PPFIA3: variants seen among roughly 807,000 people sequenced by gnomAD.
PPFIA3 encodes the protein liprin-alpha-3.
A neutral mutation model predicts 145.8 loss-of-function variants in PPFIA3; 26 were observed. The observed-to-expected ratio is 0.18, with a 90% CI of 0.13 to 0.25. The LOEUF (loss-of-function observed/expected upper bound fraction) is 0.25. Among genes scored for constraint, PPFIA3 ranks in the 10% least tolerant of loss-of-function variants. PPFIA3 has a pLI of 1.00. For synonymous variants in PPFIA3, 645 were observed against 661.4 expected, an observed-to-expected ratio of 0.98 and a Z score of 0.38; for missense variants, 1,008 against 1,587.8, an observed-to-expected ratio of 0.63 and a Z score of 6.21.
Position 49,149,254 on chromosome 19 carries a change from C to T in PPFIA3, c.3286-3C>T. ...AACCGCCCCCTCCACCTCCTCTTTCCAGGCCCGGCAGCTTCTGGAGAAGGA... is the reference window on the plus strand; with the variant it reads ...AACCGCCCCCTCCACCTCCTCTTTCTAGGCCCGGCAGCTTCTGGAGAAGGA... On this transcript the variant is annotated splice_polypyrimidine_tract_variant and splice_region_variant and intron_variant, in intron 26 of 29. Coordinates refer to ENST00000334186, the MANE Select transcript of PPFIA3 (RefSeq NM_003660.4). This position sits in a 1 kb window ranked among gnomAD's most constrained non-coding sequence, Gnocchi z 5.7. 1.9e-6 allele frequency: 3 copies of T among 1,614,236 alleles called. No individual in the cohort carries two copies. Among genetic ancestry groups the T allele is most frequent in the Non-Finnish European group, 2.5e-6 (3 of 1,180,040 alleles).
At chr19:49,134,003 T>C (rs781763396) in intron 10 of PPFIA3, 31 bp from the exon 11 acceptor site, 79 of 1,606,186 alleles carry the variant, frequency 4.9e-5, no homozygotes, top group Non-Finnish European at 6.3e-5. Context: ...CAGGGTGGGC[T>C]TAACAACCCG....
chr19:49,149,948 G>A lies in PPFIA3; in HGVS notation c.3527-132G>A, dbSNP rs2041326165. 2 of 1,206,916 alleles carry A rather than the reference G, an allele frequency of 1.7e-6. No individual in the cohort carries two copies. The highest frequency in any genetic ancestry group is 2.6e-5 in the East Asian group (1 of 39,178). 74.8% of individuals were successfully genotyped at this position (1,206,916 alleles called of 1,614,324 possible). A position where few individuals can be genotyped will look rare whatever the true frequency, so the allele number is the denominator to read the frequency against. ...TGCGAGTTTGAGTCCTTGGCTGCGG[G>A]GAAGGGAGGGAAACCCATGTGGAGC... On this transcript the variant is annotated intron_variant, in intron 28 of 29. Coordinates refer to ENST00000334186, the MANE Select transcript of PPFIA3 (RefSeq NM_003660.4). The surrounding 1 kb of genome is among the most constrained non-coding windows in gnomAD (Gnocchi z 5.7).
intron 4 of PPFIA3, 44 bp from the exon 5 acceptor site, chr19:49,129,336 T>C (rs1443483791): frequency 3.2e-6 from 5 of 1,543,386 alleles, no homozygotes; most frequent in Non-Finnish European, 4.4e-6. Context: ...TGTCCTAAAC[T>C]GGATCTTGTC....
rs1446679091 is a variant in PPFIA3, at chr19:49,130,302, A to C, written c.658-76A>C. On this transcript the variant is annotated intron_variant, in intron 6 of 29. Coordinates refer to ENST00000334186, the MANE Select transcript of PPFIA3 (RefSeq NM_003660.4). The surrounding 1 kb of genome is among the most constrained non-coding windows in gnomAD (Gnocchi z 4.5). ...TTGATCTTTGATCTACTTTCAGCTG[A>C]TTGACTTTCTCCTTGGATTTCCTCT... The C allele has an allele frequency of 2.9e-6, 4 of 1,380,604 alleles. No homozygotes were observed. The African/African-American group carries it at 5.8e-5, about 20-fold the overall frequency. 85.5% of individuals were successfully genotyped at this position (1,380,604 alleles called of 1,614,324 possible).
rs746425365 is a variant in PPFIA3, at chr19:49,130,518, G to A, written c.798G>A (p.Leu266=). 2.9e-5 allele frequency: 46 copies of A among 1,592,646 alleles called. No homozygotes were observed. In the East Asian group the frequency reaches 9.8e-4, roughly 34 times the overall value. The part of the protein sequence containing the change: ...LAVLCRQMSQ[L]EEELGTAHRE... ...TGCTGTGCCGTCAGATGAGCCAGCT[G>A]GAGGAGGAGTTGGGCACCGCGCACC... The change falls in exon 7 of 30, where the codon CTG becomes CTA. Residue 266 remains leucine (L), a synonymous_variant. Transcript: ENST00000334186. This position sits in a 1 kb window ranked among gnomAD's most constrained non-coding sequence, Gnocchi z 4.5.
At position 49,130,944 on chromosome 19, in the gene PPFIA3, C is replaced by T. The variant is rs376995130; in HGVS notation, c.879+345C>T. Among the ~76,000 whole-genome samples, 2 of 151,870 alleles carry T rather than the reference C, an allele frequency of 1.3e-5. No individual in the cohort carries two copies. The highest frequency in any genetic ancestry group is 4.2e-4 in the South Asian group (2 of 4,808). On this transcript the variant is annotated intron_variant, in intron 7 of 29. Coordinates refer to ENST00000334186, the MANE Select transcript of PPFIA3 (RefSeq NM_003660.4). This position sits in a 1 kb window ranked among gnomAD's most constrained non-coding sequence, Gnocchi z 4.5. Reference sequence around the variant, plus strand: ...TGGCGTGATCTTGGCTTACTGCCACCTCTGCCTCCCGGGTTCAAGAGATTC... The same window carrying T: ...TGGCGTGATCTTGGCTTACTGCCACTTCTGCCTCCCGGGTTCAAGAGATTC...
chr19:49,132,705 G>C (rs1347229282), intron 7 of PPFIA3, among the ~76,000 whole-genome samples: 1 of 152,158 alleles, frequency 6.6e-6, no homozygotes, highest in Non-Finnish European at 1.5e-5. Context: ...CAAGGCCTGG[G>C]TTTTGAGGAG....
intron 1 of PPFIA3, among the ~76,000 whole-genome samples, chr19:49,126,257 T>G (rs889104358): frequency 2.1e-5 from 3 of 144,442 alleles, no homozygotes; most frequent in South Asian, 2.2e-4. Flanking sequence ...CGTTACTGTG[T>G]TTTTTTTTTG....
Position 49,134,021 on chromosome 19 carries a change from C to A in PPFIA3, c.1246-13C>A, listed in dbSNP as rs549554799. The A allele has an allele frequency of 6.2e-7, 1 of 1,610,182 alleles. No individual in the cohort carries two copies. Among genetic ancestry groups the A allele is most frequent in the East Asian group, 2.2e-5 (1 of 44,860 alleles). On this transcript the variant is annotated splice_polypyrimidine_tract_variant and intron_variant, in intron 10 of 29. Transcript: ENST00000334186. ...GGTGGGCTTAACAACCCGCCCCGCT[C>A]TGCTTTGCGCAGGCCCGGCAGCGGG...
At chr19:49,146,038 G>A (rs1418779567) in intron 22 of PPFIA3, 33 bp downstream of exon 22, 2 of 1,610,800 alleles carry the variant, frequency 1.2e-6, no homozygotes, top group African/African-American at 1.3e-5. Context: ...CTTGGGGGTG[G>A]CACTAACCTT....
intron 18 of PPFIA3, among the ~76,000 whole-genome samples, chr19:49,140,798 G>T (rs989962303): frequency 1.3e-5 from 2 of 151,776 alleles, no homozygotes; most frequent in Non-Finnish European, 2.9e-5. Context: ...GGGACTACAG[G>T]CGCCCACCAC....
Position 49,142,953 on chromosome 19 carries a change from C to T in PPFIA3, c.2694C>T (p.Ile898=), listed in dbSNP as rs780698015. The T allele has an allele frequency of 6.2e-7, 1 of 1,613,116 alleles. No homozygotes were observed. The highest frequency in any genetic ancestry group is 8.5e-7 in the Non-Finnish European group (1 of 1,179,990). ...PLHRLKLRLA[I]QEMVSLTSPS... Reference sequence around the variant, plus strand: ...ACCGACTCAAGCTACGCCTCGCCATCCAGGAGATGGTCTCGCTCACCTCGC... The same window carrying T: ...ACCGACTCAAGCTACGCCTCGCCATTCAGGAGATGGTCTCGCTCACCTCGC... The change falls in exon 21 of 30, where the codon ATC becomes ATT. Residue 898 remains isoleucine, a synonymous_variant. Coordinates refer to ENST00000334186, the MANE Select transcript of PPFIA3 (RefSeq NM_003660.4).
chr19:49,140,192 T>C, intron 18 of PPFIA3, 104 bp downstream of exon 18: 2 of 1,347,156 alleles, frequency 1.5e-6, no homozygotes, highest in Non-Finnish European at 2.0e-6. Context: ...CATGTCTTCA[T>C]TCATTTGGTG....
rs746488351 is a variant in PPFIA3 at position 49,134,619 on chromosome 19, C to T, written c.1378-20C>T. 6.2e-6 allele frequency: 10 copies of T among 1,612,598 alleles called. No homozygotes were observed. Among genetic ancestry groups the T allele is most frequent in the Non-Finnish European group, 7.6e-6 (9 of 1,179,230 alleles). On this transcript the variant is annotated intron_variant, in intron 11 of 29. Coordinates refer to ENST00000334186, the MANE Select transcript of PPFIA3 (RefSeq NM_003660.4). ...TGGCCCCTCAGGCCTCACTCCCTCA[C>T]TTCACCTCTGTCTCCACAGAACTCC...
chr19:49,129,874 G>C, intron 5 of PPFIA3, 119 bp from the exon 6 acceptor site: 2 of 1,048,042 alleles, frequency 1.9e-6, no homozygotes, highest in Non-Finnish European at 1.4e-6. Context: ...CATGGCCCCA[G>C]CACGACCGGA....
At chr19:49,146,347 G>A in intron 23 of PPFIA3, 155 bp downstream of exon 23, 1 of 961,762 alleles carries the variant, frequency 1.0e-6, no homozygotes, top group Non-Finnish European at 1.5e-6. Context: ...GTTCCATTAT[G>A]GCTTGGCGGT....
Position 49,133,996 on chromosome 19 carries a change from G to A in PPFIA3, c.1246-38G>A. On this transcript the variant is annotated intron_variant, in intron 10 of 29. Coordinates refer to ENST00000334186, the MANE Select transcript of PPFIA3 (RefSeq NM_003660.4). The surrounding 1 kb of genome is among the most constrained non-coding windows in gnomAD (Gnocchi z 7.2). ...AGAGGAAGGGCCGTGGTCTGGGCAG[G>A]GTGGGCTTAACAACCCGCCCCGCTC... 1 of 1,606,278 alleles carries A rather than the reference G, an allele frequency of 6.2e-7. No homozygotes were observed. The highest frequency in any genetic ancestry group is 8.5e-7 in the Non-Finnish European group (1 of 1,176,102).
chr19:49,127,098 A>T, intron 1 of PPFIA3, among the ~76,000 whole-genome samples: 1 of 151,092 alleles, frequency 6.6e-6, no homozygotes, highest in Non-Finnish European at 1.5e-5. Flanking sequence ...AAAAAAAAAA[A>T]AAAGGTCAGG....
At chr19:49,143,108 C>T in intron 21 of PPFIA3, 104 bp downstream of exon 21, 3 of 1,315,648 alleles carry the variant, frequency 2.3e-6, no homozygotes, top group Non-Finnish European at 3.1e-6. Flanking sequence ...TCCCACGACC[C>T]TGCTTCTCAT....
Sources: gnomAD v4.1 joint callset for allele counts (sites outside exome capture counted in the v4.1 genomes callset) on GRCh38, gnomAD v4.1.1 for gene constraint, Gnocchi (gnomAD v3.1) non-coding constraint, MANE v1.5 for transcripts, NCBI Gene and HGNC (gene_info 2026-07-23, HGNC 2026-07-21) for gene names.